C3orf20: variants seen among roughly 807,000 people sequenced by gnomAD.
C3orf20 encodes uncharacterized protein C3orf20.
A neutral mutation model predicts 88.3 loss-of-function variants in C3orf20; 76 were observed. The observed-to-expected ratio is 0.86, with a 90% CI of 0.72 to 1.04. The LOEUF (loss-of-function observed/expected upper bound fraction) is 1.04, where lower values mean the gene tolerates loss of function less well. Among genes scored for constraint, C3orf20 ranks in the 50% least tolerant of loss-of-function variants. The probability of loss-of-function intolerance (pLI) is 0.00; values close to 1 mark genes in which losing one functional copy is unlikely to be tolerated. For synonymous variants in C3orf20, 436 were observed against 437.4 expected (o/e 1.00, Z 0.04); for missense variants, 1,056 against 1,123.3 (o/e 0.94, Z 0.86).
chr3:14,684,087 T>C (rs2032263580), intron 3 of C3orf20, among the ~76,000 whole-genome samples, 155 bp from the exon 4 acceptor site: 4 of 152,062 alleles, frequency 2.6e-5, no homozygotes, highest in Non-Finnish European at 5.9e-5. Context: ...TCCTCAGAGC[T>C]TGAGAGCCTT....
intron 12 of C3orf20, among the ~76,000 whole-genome samples, chr3:14,742,734 A>C (rs2034942443): frequency 6.6e-6 from 1 of 152,250 alleles, no homozygotes; most frequent in African/African-American, 2.4e-5. Context: ...TTACAGTTCC[A>C]CATGGCTAGG....
Position 14,738,652 on chromosome 3 carries a change from T to G in C3orf20, c.1940+9964T>G, listed in dbSNP as rs1429291847. On this transcript the variant is annotated intron_variant, in intron 12 of 16. Transcript: ENST00000253697. Reference sequence around the variant, plus strand: ...GGCCTTTTTTTTTTTTTTTTTTTTTTGACAGAGTTTCTCTCTTGTTGCCCA... The same window carrying G: ...GGCCTTTTTTTTTTTTTTTTTTTTTGGACAGAGTTTCTCTCTTGTTGCCCA... Among the ~76,000 whole-genome samples, 12 of 108,558 alleles carry G rather than the reference T, an allele frequency of 1.1e-4. No homozygotes were observed. The South Asian group carries it at 2.8e-3, about 25-fold the overall frequency. 71.2% of individuals were successfully genotyped at this position (108,558 alleles called of 152,430 possible).
chr3:14,718,120 A>G (rs143110549), intron 9 of C3orf20, among the ~76,000 whole-genome samples: 1 of 152,266 alleles, frequency 6.6e-6, no homozygotes, highest in East Asian at 1.9e-4. Flanking sequence ...TTGGAAAATA[A>G]AAACCTGCTC....
At chr3:14,743,733 G>T (rs939746984) in intron 12 of C3orf20, among the ~76,000 whole-genome samples, 1 of 151,948 alleles carries the variant, frequency 6.6e-6, no homozygotes, top group African/African-American at 2.4e-5. Flanking sequence ...CTTCACTTCT[G>T]TGCACCCACA....
At chr3:14,691,586 CAGAG>C (rs199845484) in intron 5 of C3orf20, among the ~76,000 whole-genome samples, 1 of 151,442 alleles carries the variant, frequency 6.6e-6, no homozygotes, top group Non-Finnish European at 1.5e-5. Flanking sequence ...TATTTTGAGG[CAGAG>C]AGAGAGAGGG....
At position 14,728,014 on chromosome 3, in the gene C3orf20, A is replaced by G. The variant is rs1322940268; in HGVS notation, c.1691-425A>G. The stretch of plus-strand genomic sequence containing the variant: ...TCCAGTCTAGTAGGGAAAGCAAGAC[A>G]AGAATATAAATAAATACAATACAAC... On this transcript the variant is annotated intron_variant, in intron 11 of 16. Coordinates refer to ENST00000253697, the MANE Select transcript of C3orf20 (RefSeq NM_032137.5). Among the ~76,000 whole-genome samples, 82 of 152,096 alleles carry G rather than the reference A, an allele frequency of 5.4e-4. 1 individual carries two copies. The highest frequency in any genetic ancestry group is 5.2e-3 in the Admixed American group (80 of 15,266).
chr3:14,743,658 T>A (rs1019602362), intron 12 of C3orf20, among the ~76,000 whole-genome samples: 1 of 152,018 alleles, frequency 6.6e-6, no homozygotes, highest in African/African-American at 2.4e-5. Context: ...GCAGCAAACT[T>A]TTGCCTGAGC....
At chr3:14,706,624 A>T (rs2033514152) in intron 7 of C3orf20, among the ~76,000 whole-genome samples, 1 of 145,130 alleles carries the variant, frequency 6.9e-6, no homozygotes, top group African/African-American at 2.6e-5. Flanking sequence ...CCCAGCAATG[A>T]TCACATCCTC....
At chr3:14,684,094 C>T in intron 3 of C3orf20, 148 bp from the exon 4 acceptor site, 1 of 1,042,386 alleles carries the variant, frequency 9.6e-7, no homozygotes, top group South Asian at 1.6e-5. Context: ...AGCTTGAGAG[C>T]CTTTCACAGT....
intron 12 of C3orf20, among the ~76,000 whole-genome samples, chr3:14,743,420 G>A (rs892789976): frequency 3.9e-5 from 6 of 152,026 alleles, no homozygotes; most frequent in Admixed American, 2.6e-4. Context: ...GACTTTGCAG[G>A]GTACAGCCTC....
chr3:14,751,532 A>G (rs544995245), intron 12 of C3orf20, among the ~76,000 whole-genome samples: 5 of 152,334 alleles, frequency 3.3e-5, no homozygotes, highest in Admixed American at 2.6e-4. Flanking sequence ...GAAAAGAGGA[A>G]GTCAAATTGT....
chr3:14,680,097 C>A (rs536109168), intron 1 of C3orf20, among the ~76,000 whole-genome samples: 1 of 152,300 alleles, frequency 6.6e-6, no homozygotes, highest in Admixed American at 6.5e-5. Flanking sequence ...TCTGGCAAGC[C>A]CTCACAAAGT....
chr3:14,694,615 T>A (rs900325825), intron 5 of C3orf20, among the ~76,000 whole-genome samples: 1 of 152,154 alleles, frequency 6.6e-6, no homozygotes, highest in African/African-American at 2.4e-5. Flanking sequence ...TCAAATTTGT[T>A]TTTAACTTTT....
In C3orf20 at chr3:14,682,937, C is replaced by A. The variant is rs913476316; in HGVS notation, c.224C>A (p.Ala75Asp). ...TTGGGCCTGGAGGTCAGCTTTGGAG[C>A]CCCCCTGGTGGTGCTCATGGAACCC... ...DILGLEVSFG[A>D]PLVVLMEPTF... Residue 75 changes from alanine (A) to aspartate (D), a missense_variant, in exon 3 of 17, where the codon GCC (alanine) becomes GAC (aspartate). By Grantham distance (126) the Ala-to-Asp change is moderately radical. Transcript: ENST00000253697. 3.1e-6 allele frequency: 5 copies of A among 1,613,984 alleles called. No individual in the cohort carries two copies. Among genetic ancestry groups the A allele is most frequent in the Admixed American group, 1.7e-5 (1 of 60,000 alleles).
rs188763128 is a variant in C3orf20 at position 14,728,412 on chromosome 3, A to G, written c.1691-27A>G. On this transcript the variant is annotated intron_variant, in intron 11 of 16. Transcript: ENST00000253697. The stretch of plus-strand genomic sequence containing the variant: ...AGAGGAGTCCTGGCCATGAAGGGAA[A>G]ATGACAGCAGCATCTTCTGTTAACA... 3.0e-5 allele frequency: 48 copies of G among 1,612,274 alleles called. No individual in the cohort carries two copies. The East Asian group carries it at 1.0e-3, about 34-fold the overall frequency.
At chr3:14,761,367 G>A (rs2035557126) in intron 14 of C3orf20, 106 bp from the exon 15 acceptor site, 1 of 1,341,906 alleles carries the variant, frequency 7.5e-7, no homozygotes, top group Non-Finnish European at 1.1e-6. Context: ...AGCTCTGAGA[G>A]GCCTGTGGCG....
chr3:14,757,007 G>C (rs1376418440), intron 12 of C3orf20, among the ~76,000 whole-genome samples: 1 of 152,180 alleles, frequency 6.6e-6, no homozygotes, highest in African/African-American at 2.4e-5. Flanking sequence ...CCACATCCGT[G>C]GGGGTGGAGG....
chr3:14,768,378 G>C lies in C3orf20; in HGVS notation c.2496-3689G>C, dbSNP rs187825613. Among the ~76,000 whole-genome samples the C allele has an allele frequency of 2.6e-5, 4 of 152,064 alleles. No homozygotes were observed. Among genetic ancestry groups the C allele is most frequent in the African/African-American group, 9.7e-5 (4 of 41,432 alleles). On this transcript the variant is annotated intron_variant, in intron 15 of 16. Coordinates refer to ENST00000253697, the MANE Select transcript of C3orf20 (RefSeq NM_032137.5). The surrounding 1 kb of genome is among the most constrained non-coding windows in gnomAD (Gnocchi z 4.1). Reference sequence around the variant, plus strand: ...GAGGAACAGCAATCCACCCTTACCGGCTGCTCATGCCAGCAACCCCACACC... The same window carrying C: ...GAGGAACAGCAATCCACCCTTACCGCCTGCTCATGCCAGCAACCCCACACC...
intron 12 of C3orf20, among the ~76,000 whole-genome samples, chr3:14,732,716 T>C (rs2034577847): frequency 6.6e-6 from 1 of 152,190 alleles, no homozygotes; most frequent in Non-Finnish European, 1.5e-5. Context: ...AGCTCCACAT[T>C]ACAAAGAATT....
Sources: gnomAD v4.1 joint callset for allele counts (sites outside exome capture counted in the v4.1 genomes callset) on GRCh38, gnomAD v4.1.1 for gene constraint, Gnocchi (gnomAD v3.1) non-coding constraint, MANE v1.5 for transcripts, NCBI Gene and HGNC (gene_info 2026-07-23, HGNC 2026-07-21) for gene names.